Variants in RAB38 observed in about 807,000 individuals in gnomAD.
RAB38 encodes RAB38, member RAS oncogene family.
A neutral mutation model predicts 18.4 loss-of-function variants in RAB38; 15 were observed. That is an observed-to-expected ratio of 0.82 (90% CI 0.55 to 1.26). The LOEUF (loss-of-function observed/expected upper bound fraction) is 1.26. Ranked by LOEUF, RAB38 falls within the 50% of genes most tolerant of loss-of-function variation. The pLI is 0.00. For synonymous variants in RAB38, 101 were observed against 104.4 expected, an observed-to-expected ratio of 0.97 and a Z score of 0.20; for missense variants, 294 against 267.4, an observed-to-expected ratio of 1.10 and a Z score of -0.69.
chr11:87,946,028 C>T, the RAB38 span, among the ~76,000 whole-genome samples: 1 of 152,126 alleles, frequency 6.6e-6, no homozygotes, highest in African/African-American at 2.4e-5. Flanking sequence ...AAGTAAATAA[C>T]TTGCCCAAGT....
chr11:88,006,127 A>G, the RAB38 span, among the ~76,000 whole-genome samples: 1 of 151,250 alleles, frequency 6.6e-6, no homozygotes, highest in African/African-American at 2.4e-5. Context: ...ACCTGAATAG[A>G]CATTTTTCCA....
chr11:88,127,513 G>T (rs1348429116), intron 2 of RAB38, among the ~76,000 whole-genome samples: 1 of 152,302 alleles, frequency 6.6e-6, no homozygotes, highest in African/African-American at 2.4e-5. Flanking sequence ...GAGTGGTTAA[G>T]AGTAGAGGGG....
At chr11:88,065,429 T>C in the RAB38 span, among the ~76,000 whole-genome samples, 2 of 152,222 alleles carry the variant, frequency 1.3e-5, no homozygotes, top group Non-Finnish European at 2.9e-5. Context: ...GGTGAAGAAG[T>C]GCTGAAAGCA....
chr11:87,881,715 A>T, the RAB38 span, among the ~76,000 whole-genome samples: 1 of 151,166 alleles, frequency 6.6e-6, no homozygotes, highest in Non-Finnish European at 1.5e-5. Context: ...GCCACTAAGT[A>T]TTTTTTTTTC....
chr11:87,936,481 C>T, the RAB38 span, among the ~76,000 whole-genome samples: 1 of 151,986 alleles, frequency 6.6e-6, no homozygotes, highest in African/African-American at 2.4e-5. Flanking sequence ...CTTCTGGGTT[C>T]TTCTGTTCCA....
chr11:88,117,993 TG>T (rs1473854402), intron 2 of RAB38, among the ~76,000 whole-genome samples: 1 of 152,124 alleles, frequency 6.6e-6, no homozygotes, highest in Non-Finnish European at 1.5e-5. Context: ...GGAAAGTGAC[TG>T]GCCCCAAGTC....
the RAB38 span, among the ~76,000 whole-genome samples, chr11:88,033,256 T>C: frequency 3.3e-5 from 5 of 151,994 alleles, no homozygotes; most frequent in African/African-American, 7.2e-5. Flanking sequence ...AGGGATAGCA[T>C]TGGGAGATAT....
chr11:88,102,569 G>T, the RAB38 span, among the ~76,000 whole-genome samples: 1 of 152,060 alleles, frequency 6.6e-6, no homozygotes, highest in Admixed American at 6.6e-5. Context: ...TTAGCTGAGA[G>T]TTCAAATACC....
At chr11:88,045,467 A>AG in the RAB38 span, among the ~76,000 whole-genome samples, 1 of 152,186 alleles carries the variant, frequency 6.6e-6, no homozygotes, top group East Asian at 1.9e-4. Context: ...GCTTGCTACA[A>AG]GTGCCGGAAA....
chr11:87,815,786 T>G, the RAB38 span: 3 of 152,228 alleles, frequency 2.0e-5, no homozygotes, highest in African/African-American at 7.2e-5. Flanking sequence ...GTGGTTCCTA[T>G]AGTTGTGAGT....
chr11:88,053,491 A>AAT, the RAB38 span, among the ~76,000 whole-genome samples: 2 of 146,744 alleles, frequency 1.4e-5, no homozygotes, highest in African/African-American at 5.0e-5. Context: ...ATATATATGG[A>AAT]ATATATATAT....
chr11:88,171,019 T>C (rs1268252789), intron 1 of RAB38, among the ~76,000 whole-genome samples: 1 of 152,210 alleles, frequency 6.6e-6, no homozygotes, highest in Non-Finnish European at 1.5e-5. Context: ...TTAAATAAAA[T>C]TGGGTTTAGG....
the RAB38 span, among the ~76,000 whole-genome samples, chr11:88,005,415 A>C: frequency 6.6e-6 from 1 of 151,350 alleles, no homozygotes; most frequent in Admixed American, 6.6e-5. Context: ...AATATCCTAC[A>C]ACTGGAAACC....
chr11:88,027,007 ACAT>A, the RAB38 span, among the ~76,000 whole-genome samples: 1 of 152,194 alleles, frequency 6.6e-6, no homozygotes, highest in Non-Finnish European at 1.5e-5. Context: ...CAATGACCTC[ACAT>A]TTTTTAAATT....
At chr11:87,956,718 C>T in the RAB38 span, among the ~76,000 whole-genome samples, 2 of 152,110 alleles carry the variant, frequency 1.3e-5, no homozygotes, top group African/African-American at 4.8e-5. Context: ...CTGTATAAAG[C>T]ATAGTTATAA....
At chr11:88,138,867 C>T (rs1942869458) in intron 2 of RAB38, among the ~76,000 whole-genome samples, 1 of 151,888 alleles carries the variant, frequency 6.6e-6, no homozygotes, top group African/African-American at 2.4e-5. Flanking sequence ...CCTGCAAGCT[C>T]CGCCTCCTGG....
chr11:88,087,880 G>T, the RAB38 span, among the ~76,000 whole-genome samples: 2 of 151,868 alleles, frequency 1.3e-5, no homozygotes, highest in African/African-American at 4.8e-5. Flanking sequence ...GTTTTGGTCA[G>T]CAGGGTTGTG....
chr11:87,953,019 C>T, the RAB38 span, among the ~76,000 whole-genome samples: 1 of 151,706 alleles, frequency 6.6e-6, no homozygotes, highest in East Asian at 1.9e-4. Context: ...ATTTTAATAA[C>T]TTTTTAAAAA....
intron 2 of RAB38, among the ~76,000 whole-genome samples, chr11:88,132,274 C>T (rs1407827321): frequency 1.3e-5 from 2 of 152,174 alleles, no homozygotes; most frequent in African/African-American, 2.4e-5. Context: ...GAGAAAGTCA[C>T]GTGCTGAGGC....
Sources: gnomAD v4.1 joint callset for allele counts (sites outside exome capture counted in the v4.1 genomes callset) on GRCh38, gnomAD v4.1.1 for gene constraint, MANE v1.5 for transcripts, NCBI Gene and HGNC (gene_info 2026-07-23, HGNC 2026-07-21) for gene names.